The following SMARCA1 variants were observed in gnomAD, a reference collection of about 807,000 sequenced individuals.
SMARCA1 encodes the protein SWI/SNF-related matrix-associated actin-dependent regulator of chromatin subfamily A member 1.
SMARCA1 carries 17 observed loss-of-function variants against 93.6 expected under a neutral mutation model. The observed-to-expected ratio is 0.18, with a 90% confidence interval of 0.12 to 0.27. SMARCA1 has a LOEUF of 0.27. Ranked by LOEUF, SMARCA1 falls within the 10% of genes least tolerant of loss-of-function variation. The pLI, the probability that SMARCA1 is intolerant of heterozygous loss-of-function variation, is 1.00. For missense variants in SMARCA1, 630 were observed against 819.0 expected (o/e 0.77, Z 2.82); for synonymous variants, 271 against 271.4 (o/e 1.00, Z 0.01).
intron 23 of SMARCA1, among the ~76,000 whole-genome samples, chrX:129,459,142 T>C (rs1932757414): frequency 8.9e-6 from 1 of 112,598 alleles, no homozygotes; most frequent in Non-Finnish European, 1.9e-5. Flanking sequence ...ACTGTATCAC[T>C]GGGCACAGTG....
chrX:129,473,347 T>A (rs776436152), intron 19 of SMARCA1, among the ~76,000 whole-genome samples: 19 of 111,878 alleles, frequency 1.7e-4, no homozygotes, highest in African/African-American at 6.2e-4. Flanking sequence ...GGAAAAGGTG[T>A]ACATTTAAAA....
chrX:129,468,078 G>A (rs1932968761), intron 21 of SMARCA1, among the ~76,000 whole-genome samples: 1 of 112,629 alleles, frequency 8.9e-6, no homozygotes, highest in Non-Finnish European at 1.9e-5. Flanking sequence ...GGGCACCAAA[G>A]CGCTGCGCCC....
intron 12 of SMARCA1, among the ~76,000 whole-genome samples, chrX:129,494,353 T>C (rs1283726149): frequency 1.8e-5 from 2 of 111,727 alleles, no homozygotes; most frequent in African/African-American, 6.5e-5. Context: ...ACGCTTCAAG[T>C]TGCCATCTCA....
intron 1 of SMARCA1, 123 bp downstream of exon 1, chrX:129,523,074 C>G (rs1024699405): frequency 3.7e-6 from 3 of 807,193 alleles, no homozygotes; most frequent in Non-Finnish European, 3.5e-6. Flanking sequence ...CCCCCGCACC[C>G]GCCGCCCCTA....
intron 15 of SMARCA1, 41 bp from the exon 16 acceptor site, chrX:129,489,126 T>C (rs1934020894): frequency 1.1e-6 from 1 of 919,392 alleles, no homozygotes; most frequent in East Asian, 3.1e-5. Context: ...CAATCAATCA[T>C]ATTCCAAAGA....
chrX:129,471,172 TGTAA>T, intron 20 of SMARCA1, 28 bp downstream of exon 20: 1 of 1,131,950 alleles, frequency 8.8e-7, no homozygotes, highest in Non-Finnish European at 1.2e-6. Context: ...ATTGATTGAC[TGTAA>T]GTATTACAGC....
At chrX:129,470,380 C>T (rs1309280987) in intron 20 of SMARCA1, among the ~76,000 whole-genome samples, 4 of 109,165 alleles carry the variant, frequency 3.7e-5, no homozygotes, top group African/African-American at 1.3e-4. Flanking sequence ...AATTGTTATA[C>T]AATGATCACC....
intron 17 of SMARCA1, among the ~76,000 whole-genome samples, chrX:129,482,954 A>G (rs1347881798): frequency 9.0e-6 from 1 of 111,400 alleles, no homozygotes; most frequent in African/African-American, 3.3e-5. Context: ...GATGACCAGT[A>G]TGGTTAGAGA....
intron 1 of SMARCA1, 145 bp downstream of exon 1, chrX:129,523,052 T>G (rs2124364268): frequency 7.1e-6 from 4 of 565,290 alleles, no homozygotes; most frequent in Admixed American, 3.7e-5. Flanking sequence ...CGCCAGGCGG[T>G]TCCGCCGCCG....
In SMARCA1 at chrX:129,523,273, G is replaced by A. The variant is rs929181075; in HGVS notation, c.98C>T (p.Thr33Ile). Residue 33 changes from threonine (T) to isoleucine (I), a missense_variant, in exon 1 of 25, where the codon ACC becomes ATC. By Grantham distance (89) the Thr-to-Ile change is moderately conservative. Transcript: ENST00000371121. ...VIEDEQPGPSTSQEEGAAAAA... is the reference protein window; with the variant it reads ...VIEDEQPGPSISQEEGAAAAA... The stretch of plus-strand genomic sequence containing the variant: ...GGCGGCCGCTCCCTCCTCCTGAGAG[G>A]TGGACGGCCCGGGCTGCTCGTCCTC... 1 of 1,210,394 alleles carries A rather than the reference G, an allele frequency of 8.3e-7. No individual in the cohort carries two copies. Among genetic ancestry groups the A allele is most frequent in the Non-Finnish European group, 1.1e-6 (1 of 895,091 alleles).
At chrX:129,489,688 G>A (rs1340385266) in intron 15 of SMARCA1, among the ~76,000 whole-genome samples, 1 of 111,844 alleles carries the variant, frequency 8.9e-6, no homozygotes, top group Non-Finnish European at 1.9e-5. Flanking sequence ...CTCCTGAGTA[G>A]CTGGGACTAC....
intron 1 of SMARCA1, 108 bp downstream of exon 1, chrX:129,523,089 C>T (rs1935470136): frequency 1.1e-6 from 1 of 935,389 alleles, no homozygotes; most frequent in Non-Finnish European, 1.5e-6. Flanking sequence ...CCCCTAGCCC[C>T]GCAAAGCTCC....
intron 1 of SMARCA1, 170 bp from the exon 2 acceptor site, chrX:129,518,617 T>A (rs1935284883): frequency 6.0e-6 from 2 of 332,601 alleles, no homozygotes; most frequent in Non-Finnish European, 1.1e-5. Flanking sequence ...AGGCTTATGA[T>A]TAATCCAGTT....
At chrX:129,515,472 G>A (rs1362898870) in intron 5 of SMARCA1, among the ~76,000 whole-genome samples, 6 of 110,946 alleles carry the variant, frequency 5.4e-5, no homozygotes, top group African/African-American at 2.0e-4. Flanking sequence ...AGGGTACAGT[G>A]AGCCGAGATT....
intron 23 of SMARCA1, among the ~76,000 whole-genome samples, chrX:129,449,086 T>C (rs759177397): frequency 9.0e-6 from 1 of 111,503 alleles, no homozygotes; most frequent in South Asian, 3.8e-4. Flanking sequence ...TTTTGCAAAA[T>C]GTTACTATTG....
chrX:129,492,120 GAAGA>G (rs766701162), intron 13 of SMARCA1, 27 bp from the exon 14 acceptor site: 1 of 963,054 alleles, frequency 1.0e-6, no homozygotes. Context: ...TAAAGGGATA[GAAGA>G]AAAAGAGAAA....
chrX:129,512,045 T>C (rs1001730645), intron 5 of SMARCA1, 62 bp from the exon 6 acceptor site: 19 of 903,666 alleles, frequency 2.1e-5, no homozygotes, highest in African/African-American at 2.0e-4. Flanking sequence ...AACATTTTGT[T>C]AGGAACAACA....
chrX:129,455,645 A>G (rs997088506), intron 23 of SMARCA1, among the ~76,000 whole-genome samples: 3 of 111,827 alleles, frequency 2.7e-5, no homozygotes, highest in East Asian at 5.6e-4. Flanking sequence ...CACACAAGTG[A>G]TAAGAAAGCC....
intron 14 of SMARCA1, among the ~76,000 whole-genome samples, 163 bp downstream of exon 14, chrX:129,491,778 T>C (rs1934140006): frequency 8.9e-6 from 1 of 112,198 alleles, no homozygotes; most frequent in South Asian, 3.7e-4. Flanking sequence ...TCTTTTGTTT[T>C]TGCAATTAGC....
Sources: allele counts gnomAD v4.1 joint callset (sites outside exome capture counted in the v4.1 genomes callset), GRCh38; gene constraint gnomAD v4.1.1; transcripts MANE v1.5; gene names NCBI Gene and HGNC (gene_info 2026-07-23, HGNC 2026-07-21).